The following GRID2 variants were observed in gnomAD, a reference collection of about 807,000 sequenced individuals.
GRID2 encodes glutamate ionotropic receptor delta type subunit 2.
GRID2 carries 33 observed loss-of-function variants against 114.8 expected under a neutral mutation model. The observed-to-expected ratio is 0.29, with a 90% CI of 0.22 to 0.38. GRID2 has a LOEUF of 0.38. Ranked by LOEUF, GRID2 falls within the 10% of genes least tolerant of loss-of-function variation. GRID2 has a pLI of 1.00. For missense variants in GRID2, 1,184 were observed against 1,257.7 expected (o/e 0.94, Z 0.89); for synonymous variants, 505 against 449.9 (o/e 1.12, Z -1.55).
At chr4:92,948,556 A>G (rs72616102) in intron 2 of GRID2, among the ~76,000 whole-genome samples, 2 of 151,684 alleles carry the variant, frequency 1.3e-5, no homozygotes, top group Non-Finnish European at 2.9e-5. Context: ...ATTTAAACTC[A>G]TTTGTCAAAA....
intron 14 of GRID2, among the ~76,000 whole-genome samples, chr4:93,678,097 C>T (rs371076519): frequency 5.3e-5 from 8 of 151,948 alleles, no homozygotes; most frequent in South Asian, 2.1e-4. Context: ...CTGATGGAGC[C>T]GAAAGCCAAG....
rs547734345 is a variant in GRID2 at position 93,244,471 on chromosome 4, GATATT to G, written c.1245+5991_1245+5995del. On this transcript the variant is annotated intron_variant, in intron 8 of 15. Transcript: ENST00000282020. ...AAACCTAATGTACTGCTTCGCAAAG[GATATT>G]ATATTATATAATCTATTAATTAATA... 2.7e-3 allele frequency among the ~76,000 whole-genome samples: 397 copies of G among 144,782 alleles called. 3 individuals carry two copies. The highest frequency in any genetic ancestry group is 3.7e-3 in the Non-Finnish European group (246 of 66,040). The allele number at this position is 144,782 out of a possible 152,430, so 95.0% of individuals were successfully genotyped here.
chr4:93,780,250 T>G (rs1038701953), intron 1 of GRID2, among the ~76,000 whole-genome samples: 5 of 152,174 alleles, frequency 3.3e-5, no homozygotes, highest in Non-Finnish European at 5.9e-5. Context: ...AAGCTTTAAA[T>G]GGACTGAGGG....
At chr4:92,986,794 A>T (rs988501804) in intron 2 of GRID2, among the ~76,000 whole-genome samples, 4 of 152,184 alleles carry the variant, frequency 2.6e-5, no homozygotes, top group African/African-American at 4.8e-5. Context: ...TATATTTTTA[A>T]GTTCTTATGT....
intron 2 of GRID2, among the ~76,000 whole-genome samples, chr4:92,892,243 T>C (rs1052391916): frequency 2.6e-5 from 4 of 152,114 alleles, no homozygotes; most frequent in African/African-American, 9.7e-5. Context: ...TTTGTATTTT[T>C]AGTAGAGATG....
At chr4:92,943,193 A>G (rs1751314133) in intron 2 of GRID2, among the ~76,000 whole-genome samples, 1 of 152,002 alleles carries the variant, frequency 6.6e-6, no homozygotes, top group African/African-American at 2.4e-5. Context: ...TCTCCCTGTC[A>G]CTTTCAGGTA....
At chr4:92,798,533 A>AAGAGACC (rs1739999105) in intron 2 of GRID2, among the ~76,000 whole-genome samples, 1 of 152,022 alleles carries the variant, frequency 6.6e-6, no homozygotes, top group African/African-American at 2.4e-5. Flanking sequence ...CATGCCCCTT[A>AAGAGACC]AGAGACCCTT....
chr4:92,699,160 A>T (rs1303832795), intron 2 of GRID2, among the ~76,000 whole-genome samples: 1 of 152,178 alleles, frequency 6.6e-6, no homozygotes, highest in Non-Finnish European at 1.5e-5. Context: ...TAATACTGCC[A>T]AACTGTTGAA....
chr4:93,681,628 C>T (rs13136276), intron 14 of GRID2, among the ~76,000 whole-genome samples: 2 of 152,258 alleles, frequency 1.3e-5, no homozygotes, highest in South Asian at 4.1e-4. Context: ...TAATACCACA[C>T]ATCTACAACT....
At chr4:93,684,353 A>G (rs1725882019) in intron 14 of GRID2, among the ~76,000 whole-genome samples, 1 of 152,164 alleles carries the variant, frequency 6.6e-6, no homozygotes, top group African/African-American at 2.4e-5. Context: ...CTTAGTTTGA[A>G]GAGAAAAATC....
intron 4 of GRID2, among the ~76,000 whole-genome samples, chr4:93,111,428 TTAAG>T (rs1732752159): frequency 1.3e-5 from 2 of 152,178 alleles, no homozygotes; most frequent in Non-Finnish European, 2.9e-5. Flanking sequence ...ACACAAATAA[TTAAG>T]TGTCTGAAAC....
At position 93,374,673 on chromosome 4, in the gene GRID2, A is replaced by G. The variant is rs114475127; in HGVS notation, c.1246-20934A>G. ...AGCTACATTCTTCTTTCTGGAGATT[A>G]ACCAGAAATTGGTGGTTTCATCCTG... is the stretch of plus-strand genomic sequence containing the variant. On this transcript the variant is annotated intron_variant, in intron 8 of 15. Coordinates refer to ENST00000282020, the MANE Select transcript of GRID2 (RefSeq NM_001510.4). Among the ~76,000 whole-genome samples the G allele has an allele frequency of 6.8e-3, 1,035 of 152,266 alleles. 10 individuals carry two copies. The highest frequency in any genetic ancestry group is 0.023 in the African/African-American group (958 of 41,552).
At chr4:92,794,905 T>C (rs187150437) in intron 2 of GRID2, among the ~76,000 whole-genome samples, 3,144 of 127,564 alleles carry the variant, frequency 0.025, 58 homozygotes, top group East Asian at 0.062. Context: ...TATATATATA[T>C]ACACACACAC....
intron 1 of GRID2, among the ~76,000 whole-genome samples, chr4:92,574,015 ATAGT>A (rs1354399272): frequency 2.0e-5 from 3 of 152,152 alleles, no homozygotes; most frequent in Non-Finnish European, 4.4e-5. Context: ...TATATTTAAG[ATAGT>A]TAGCTGTTCT....
chr4:92,512,689 C>G (rs1026234915), intron 1 of GRID2, among the ~76,000 whole-genome samples: 1 of 151,728 alleles, frequency 6.6e-6, no homozygotes, highest in Admixed American at 6.6e-5. Flanking sequence ...GTGCCTACAC[C>G]TTAGTTCTGT....
Position 93,564,606 on chromosome 4 carries a change from A to G in GRID2, c.2193+49195A>G, listed in dbSNP as rs991140130. ...GATGGTACCCCTAGGCTAAAGAATA[A>G]TGAGTGTACATTTTGGGGCATCTTC... On this transcript the variant is annotated intron_variant, in intron 13 of 15. Coordinates refer to ENST00000282020, the MANE Select transcript of GRID2 (RefSeq NM_001510.4). Among the ~76,000 whole-genome samples the G allele has an allele frequency of 7.9e-5, 12 of 152,180 alleles. No homozygotes were observed. In the East Asian group the frequency reaches 1.9e-3, roughly 24 times the overall value.
At chr4:93,153,785 T>C (rs1736933296) in intron 4 of GRID2, among the ~76,000 whole-genome samples, 1 of 152,158 alleles carries the variant, frequency 6.6e-6, no homozygotes, top group Non-Finnish European at 1.5e-5. Context: ...TCTCATTTTA[T>C]GTGAAATAAT....
intron 8 of GRID2, among the ~76,000 whole-genome samples, chr4:93,241,013 A>G (rs1268243558): frequency 6.6e-6 from 1 of 151,582 alleles, no homozygotes; most frequent in Non-Finnish European, 1.5e-5. Context: ...GGTAGTATTT[A>G]CACATTTGTG....
At chr4:93,704,440 G>A (rs1727810571) in intron 14 of GRID2, among the ~76,000 whole-genome samples, 2 of 152,128 alleles carry the variant, frequency 1.3e-5, no homozygotes, top group Admixed American at 6.5e-5. Context: ...CTCCCATTCT[G>A]TAGGTTGCCT....
Sources: allele counts gnomAD v4.1 joint callset (sites outside exome capture counted in the v4.1 genomes callset), GRCh38; gene constraint gnomAD v4.1.1; transcripts MANE v1.5; gene names NCBI Gene and HGNC (gene_info 2026-07-23, HGNC 2026-07-21).